Variants in SYNDIG1 observed in about 807,000 individuals in gnomAD.
The protein encoded by SYNDIG1 is synapse differentiation inducing 1, also known as synapse differentiation-inducing gene protein 1.
Under a neutral mutation model 19.4 loss-of-function variants are expected in SYNDIG1, and 9 were observed. The ratio of observed to expected loss-of-function variants is 0.46; its 90% CI spans 0.28 to 0.81. SYNDIG1 has a LOEUF of 0.81. Among genes scored for constraint, SYNDIG1 ranks in the 30% least tolerant of loss-of-function variants. The pLI is 0.12. For synonymous variants in SYNDIG1, 141 were observed against 145.9 expected (o/e 0.97, Z 0.24); for missense variants, 311 against 343.3 (o/e 0.91, Z 0.74).
At chr20:24,553,142 CT>C (rs2057740221) in intron 2 of SYNDIG1, among the ~76,000 whole-genome samples, 1 of 151,732 alleles carries the variant, frequency 6.6e-6, no homozygotes, top group African/African-American at 2.4e-5. Context: ...CCTTCGCCCA[CT>C]TTTTGATGGG....
rs541118935 is a variant in SYNDIG1, at chr20:24,575,788, C to T, written c.481-9068C>T. Among the ~76,000 whole-genome samples, 17 of 152,280 alleles carry T rather than the reference C, an allele frequency of 1.1e-4. No homozygotes were observed. In the South Asian group the frequency reaches 2.7e-3, roughly 24 times the overall value. On this transcript the variant is annotated intron_variant, in intron 2 of 3. Coordinates refer to ENST00000376862, the MANE Select transcript of SYNDIG1 (RefSeq NM_024893.3). The stretch of plus-strand genomic sequence containing the variant: ...TTTACTTCTGAATGATGCATTGACT[C>T]GCTCATTTTTGAGCATTATACATTA...
intron 1 of SYNDIG1, among the ~76,000 whole-genome samples, chr20:24,487,650 T>C (rs1373728727): frequency 1.3e-5 from 2 of 151,864 alleles, no homozygotes; most frequent in East Asian, 3.8e-4. Context: ...TATATGTGTG[T>C]GTATAAGTAT....
intron 3 of SYNDIG1, among the ~76,000 whole-genome samples, chr20:24,655,236 T>C (rs2059513096): frequency 6.6e-6 from 1 of 152,120 alleles, no homozygotes; most frequent in Non-Finnish European, 1.5e-5. Flanking sequence ...TGAAAAAATG[T>C]ATTGAGAGGG....
chr20:24,625,386 T>TG (rs1232737332), intron 3 of SYNDIG1, among the ~76,000 whole-genome samples: 2 of 97,580 alleles, frequency 2.0e-5, no homozygotes, highest in Non-Finnish European at 5.2e-5. Context: ...CCTGGGACAT[T>TG]TTTTTTTTTT....
intron 3 of SYNDIG1, among the ~76,000 whole-genome samples, chr20:24,608,147 AC>A (rs1387815307): frequency 2.0e-5 from 3 of 152,108 alleles, no homozygotes; most frequent in African/African-American, 7.2e-5. Flanking sequence ...TAAACCCATG[AC>A]AAATAATACA....
chr20:24,662,465 T>TG (rs2059613144), intron 3 of SYNDIG1, among the ~76,000 whole-genome samples: 1 of 152,086 alleles, frequency 6.6e-6, no homozygotes, highest in Admixed American at 6.5e-5. Context: ...ACATCTCCCT[T>TG]GGGGGCTACG....
intron 2 of SYNDIG1, among the ~76,000 whole-genome samples, chr20:24,575,195 A>G (rs1477600302): frequency 6.6e-6 from 1 of 152,210 alleles, no homozygotes; most frequent in Non-Finnish European, 1.5e-5. Flanking sequence ...AGGGAGTTCA[A>G]GTCTCCCACT....
intron 3 of SYNDIG1, among the ~76,000 whole-genome samples, chr20:24,594,829 T>A (rs1404249494): frequency 5.9e-5 from 9 of 152,198 alleles, no homozygotes; most frequent in African/African-American, 2.2e-4. Context: ...GTGTTGTTGG[T>A]GTATAGCAAT....
At chr20:24,507,122 G>A (rs960054668) in intron 1 of SYNDIG1, among the ~76,000 whole-genome samples, 8 of 152,278 alleles carry the variant, frequency 5.3e-5, no homozygotes, top group South Asian at 4.1e-4. Flanking sequence ...GTCATCAGCC[G>A]TTCCCAGCTG....
intron 1 of SYNDIG1, among the ~76,000 whole-genome samples, chr20:24,490,864 G>A (rs2056127147): frequency 6.6e-6 from 1 of 152,206 alleles, no homozygotes; most frequent in African/African-American, 2.4e-5. Context: ...AAGCCCCACA[G>A]TCTGGAAATT....
chr20:24,470,502 C>A (rs947938469), intron 1 of SYNDIG1, among the ~76,000 whole-genome samples: 1 of 152,328 alleles, frequency 6.6e-6, no homozygotes, highest in African/African-American at 2.4e-5. Context: ...TGGGAGCGAG[C>A]ACATACGCTT....
intron 1 of SYNDIG1, among the ~76,000 whole-genome samples, chr20:24,490,057 G>A (rs1259113713): frequency 1.3e-5 from 2 of 152,208 alleles, no homozygotes; most frequent in African/African-American, 2.4e-5. Context: ...TGCAGCCAGG[G>A]ACAGGGGCCA....
At chr20:24,604,782 G>T (rs1347244471) in intron 3 of SYNDIG1, among the ~76,000 whole-genome samples, 6 of 151,918 alleles carry the variant, frequency 3.9e-5, no homozygotes, top group Non-Finnish European at 8.8e-5. Context: ...TTACTCTATG[G>T]ACCCACCTCA....
rs371788113 is a variant in SYNDIG1 at position 24,665,536 on chromosome 20, G to T, written c.*32G>T. The T allele has an allele frequency of 5.0e-6, 8 of 1,613,300 alleles. No homozygotes were observed. The highest frequency in any genetic ancestry group is 3.3e-4 in the Middle Eastern group (2 of 6,068). On this transcript the variant is annotated 3_prime_UTR_variant, in exon 4 of 4. Coordinates refer to ENST00000376862, the MANE Select transcript of SYNDIG1 (RefSeq NM_024893.3). Reference sequence around the variant, plus strand: ...TGCGAATGGAGGGGGAGCACCCGGGGCCAGGTCTGTGTGGACGTGGAGGAA... The same window carrying T: ...TGCGAATGGAGGGGGAGCACCCGGGTCCAGGTCTGTGTGGACGTGGAGGAA...
chr20:24,504,087 G>A (rs868064079), intron 1 of SYNDIG1, among the ~76,000 whole-genome samples: 2 of 151,586 alleles, frequency 1.3e-5, no homozygotes, highest in Admixed American at 6.6e-5. Context: ...AGCCTCCTGA[G>A]TAGCTGGGAC....
chr20:24,613,635 G>A (rs2058883318), intron 3 of SYNDIG1, among the ~76,000 whole-genome samples: 1 of 152,158 alleles, frequency 6.6e-6, no homozygotes. Context: ...TCCTGACCGT[G>A]TGCCAGGAAC....
At chr20:24,589,682 T>A (rs1185228241) in intron 3 of SYNDIG1, among the ~76,000 whole-genome samples, 1 of 152,268 alleles carries the variant, frequency 6.6e-6, no homozygotes, top group African/African-American at 2.4e-5. Flanking sequence ...AAGCATTTAT[T>A]ATGTCTTGAT....
chr20:24,521,560 T>C (rs970087311), intron 1 of SYNDIG1, among the ~76,000 whole-genome samples: 1 of 7,528 alleles, frequency 1.3e-4, no homozygotes, highest in African/African-American at 1.2e-3. Flanking sequence ...AAGGCTATTT[T>C]CATATGGTTA....
intron 1 of SYNDIG1, among the ~76,000 whole-genome samples, chr20:24,524,891 C>A (rs965460316): frequency 6.6e-6 from 1 of 152,078 alleles, no homozygotes; most frequent in African/African-American, 2.4e-5. Flanking sequence ...GGTATCTTTG[C>A]TTTCTGTTTC....
Sources: gnomAD v4.1 joint callset for allele counts (sites outside exome capture counted in the v4.1 genomes callset) on GRCh38, gnomAD v4.1.1 for gene constraint, MANE v1.5 for transcripts, NCBI Gene and HGNC (gene_info 2026-07-23, HGNC 2026-07-21) for gene names.